The following PTPRD variants were observed in gnomAD, a reference collection of about 807,000 sequenced individuals.
The protein encoded by PTPRD is protein tyrosine phosphatase receptor type D.
A neutral mutation model predicts 214.5 loss-of-function variants in PTPRD; 34 were observed. The observed-to-expected ratio is 0.16, with a 90% confidence interval of 0.12 to 0.21. The LOEUF (loss-of-function observed/expected upper bound fraction) is 0.21. Among genes scored for constraint, PTPRD ranks in the 10% least tolerant of loss-of-function variants. PTPRD has a pLI of 1.00. For missense variants in PTPRD, 2,545 were observed against 2,398.7 expected, an observed-to-expected ratio of 1.06 and a Z score of -1.27; for synonymous variants, 1,128 against 845.7, an observed-to-expected ratio of 1.33 and a Z score of -5.79.
At chr9:10,513,324 C>G (rs2048923785) in intron 2 of PTPRD, among the ~76,000 whole-genome samples, 1 of 152,002 alleles carries the variant, frequency 6.6e-6, no homozygotes, top group Non-Finnish European at 1.5e-5. Flanking sequence ...TGCAACAGGA[C>G]AAGCAGTTTT....
intron 3 of PTPRD, among the ~76,000 whole-genome samples, chr9:10,232,560 T>C (rs1442834785): frequency 1.3e-5 from 2 of 152,018 alleles, no homozygotes; most frequent in African/African-American, 2.4e-5. Context: ...TTCCAGCAGA[T>C]GGCGTTTTGC....
At chr9:10,371,661 A>G (rs1399542762) in intron 2 of PTPRD, among the ~76,000 whole-genome samples, 1 of 152,066 alleles carries the variant, frequency 6.6e-6, no homozygotes, top group Non-Finnish European at 1.5e-5. Flanking sequence ...TTTGGTGGAG[A>G]TCATCTCAGA....
At chr9:8,333,309 C>A (rs1843284233) in intron 43 of PTPRD, among the ~76,000 whole-genome samples, 2 of 152,130 alleles carry the variant, frequency 1.3e-5, no homozygotes, top group South Asian at 4.1e-4. Context: ...GATTTCATTT[C>A]TGACCACAGT....
chr9:8,629,134 C>A (rs942101328), intron 14 of PTPRD, among the ~76,000 whole-genome samples: 2 of 151,724 alleles, frequency 1.3e-5, no homozygotes, highest in African/African-American at 4.8e-5. Context: ...ATTCTAAGTT[C>A]AAGAAACATG....
chr9:10,546,772 G>A (rs1258930018), intron 2 of PTPRD, among the ~76,000 whole-genome samples: 1 of 152,004 alleles, frequency 6.6e-6, no homozygotes, highest in Non-Finnish European at 1.5e-5. Flanking sequence ...TTTGCAAGAG[G>A]TACATATGAA....
At chr9:8,718,418 T>C (rs924778957) in intron 12 of PTPRD, among the ~76,000 whole-genome samples, 4 of 152,136 alleles carry the variant, frequency 2.6e-5, no homozygotes, top group East Asian at 3.8e-4. Flanking sequence ...AAAAGAAGTA[T>C]GTGTTGTTCA....
In PTPRD at chr9:8,852,129, A is replaced by G. The variant is rs1482788622; in HGVS notation, c.-103-118183T>C. ...CAGAGGATCACTTTATGTATTTGAA[A>G]GTACAATTTCTCCAAACCCCAAAGC... On this transcript the variant is annotated intron_variant, in intron 11 of 45. Coordinates refer to ENST00000381196, the MANE Select transcript of PTPRD (RefSeq NM_002839.4). Among the ~76,000 whole-genome samples the G allele has an allele frequency of 2.0e-5, 3 of 152,224 alleles. No individual in the cohort carries two copies. In the East Asian group the frequency reaches 5.8e-4, roughly 29 times the overall value.
intron 9 of PTPRD, among the ~76,000 whole-genome samples, chr9:9,190,056 G>T (rs75750902): frequency 1.3e-5 from 2 of 151,994 alleles, no homozygotes; most frequent in East Asian, 3.9e-4. Flanking sequence ...TGTAGCCAAT[G>T]GCTATGGTTT....
chr9:9,053,599 T>G (rs891034840), intron 10 of PTPRD, among the ~76,000 whole-genome samples: 5 of 152,152 alleles, frequency 3.3e-5, no homozygotes, highest in Admixed American at 6.6e-5. Flanking sequence ...CACCTTGATT[T>G]TTGACTTCTT....
chr9:10,083,412 G>A (rs2098275215), intron 3 of PTPRD, among the ~76,000 whole-genome samples: 1 of 152,034 alleles, frequency 6.6e-6, no homozygotes, highest in African/African-American at 2.4e-5. Flanking sequence ...GGCATGACAT[G>A]ATACACAATG....
chr9:8,395,827 G>A (rs1419240118), intron 36 of PTPRD, among the ~76,000 whole-genome samples: 1 of 152,056 alleles, frequency 6.6e-6, no homozygotes, highest in Non-Finnish European at 1.5e-5. Flanking sequence ...ACACAGGAAA[G>A]TAGACGGCTG....
intron 11 of PTPRD, among the ~76,000 whole-genome samples, chr9:8,863,395 G>C (rs182327771): frequency 6.6e-6 from 1 of 152,200 alleles, no homozygotes; most frequent in Non-Finnish European, 1.5e-5. Flanking sequence ...TTTCTTGTGA[G>C]CAAGAAGTGA....
chr9:10,442,788 G>A (rs1159186751), intron 2 of PTPRD, among the ~76,000 whole-genome samples: 1 of 151,422 alleles, frequency 6.6e-6, no homozygotes, highest in South Asian at 2.1e-4. Flanking sequence ...AGTTAAAACT[G>A]GTAGTATTAT....
intron 9 of PTPRD, among the ~76,000 whole-genome samples, chr9:9,309,731 T>C (rs1411479633): frequency 1.3e-5 from 2 of 152,226 alleles, no homozygotes. Context: ...GTTATTCTGC[T>C]AATGTAGTCT....
At chr9:9,326,419 A>G (rs1050609321) in intron 9 of PTPRD, among the ~76,000 whole-genome samples, 1 of 152,152 alleles carries the variant, frequency 6.6e-6, no homozygotes, top group African/African-American at 2.4e-5. Context: ...TGCTGTGCAT[A>G]TAACTCTACC....
At chr9:9,909,742 C>T (rs1052094615) in intron 5 of PTPRD, among the ~76,000 whole-genome samples, 2 of 151,362 alleles carry the variant, frequency 1.3e-5, no homozygotes, top group Non-Finnish European at 2.9e-5. Flanking sequence ...AACATACAGA[C>T]ATGTGAGCCT....
chr9:9,947,141 C>G (rs1171436962), intron 4 of PTPRD, among the ~76,000 whole-genome samples: 1 of 148,202 alleles, frequency 6.7e-6, no homozygotes, highest in Non-Finnish European at 1.5e-5. Context: ...TCATGTATTC[C>G]TATATGTACA....
At chr9:8,656,714 G>T (rs1355697052) in intron 12 of PTPRD, among the ~76,000 whole-genome samples, 1 of 152,198 alleles carries the variant, frequency 6.6e-6, no homozygotes, top group Admixed American at 6.5e-5. Flanking sequence ...GGATTTAGCA[G>T]AATATCTTTA....
At position 8,495,146 on chromosome 9, in the gene PTPRD, G is replaced by A. The variant is rs1006750687; in HGVS notation, c.2349+2096C>T. Among the ~76,000 whole-genome samples, 3 of 152,048 alleles carry A rather than the reference G, an allele frequency of 2.0e-5. No individual in the cohort carries two copies. In the South Asian group the frequency reaches 6.2e-4, roughly 31 times the overall value. On this transcript the variant is annotated intron_variant, in intron 26 of 45. Coordinates refer to ENST00000381196, the MANE Select transcript of PTPRD (RefSeq NM_002839.4). ...TCTGAGCTCCAGTGGCATATACATT[G>A]TAAATATCTGCTAGATGTTTTCCTG...
Sources: allele counts gnomAD v4.1 joint callset (sites outside exome capture counted in the v4.1 genomes callset), GRCh38; gene constraint gnomAD v4.1.1; transcripts MANE v1.5; gene names NCBI Gene and HGNC (gene_info 2026-07-23, HGNC 2026-07-21).